Variants in LPP observed in about 807,000 individuals in gnomAD.
LPP encodes the protein LIM domain containing preferred translocation partner in lipoma.
Under a neutral mutation model 60.4 loss-of-function variants are expected in LPP, and 38 were observed. The observed-to-expected ratio is 0.63, with a 90% CI of 0.49 to 0.83. The LOEUF (loss-of-function observed/expected upper bound fraction) is 0.83, where lower values mean the gene tolerates loss of function less well. Among genes scored for constraint, LPP ranks in the 40% least tolerant of loss-of-function variants. The pLI is 0.00. For synonymous variants in LPP, 328 were observed against 290.8 expected, an observed-to-expected ratio of 1.13 and a Z score of -1.30; for missense variants, 902 against 783.6, an observed-to-expected ratio of 1.15 and a Z score of -1.80.
intron 5 of LPP, among the ~76,000 whole-genome samples, chr3:188,514,445 T>A (rs886830375): frequency 3.0e-4 from 45 of 151,578 alleles, no homozygotes; most frequent in African/African-American, 3.9e-4. Flanking sequence ...TATTTTATTT[T>A]TTTTTTTATT....
At chr3:188,231,046 A>G (rs1295145359) in intron 2 of LPP, among the ~76,000 whole-genome samples, 2 of 152,010 alleles carry the variant, frequency 1.3e-5, no homozygotes, top group Admixed American at 6.5e-5. Flanking sequence ...GGCAGCTCAC[A>G]TGGCAGCTGC....
At chr3:188,448,102 A>C (rs1795703420) in intron 4 of LPP, among the ~76,000 whole-genome samples, 1 of 152,204 alleles carries the variant, frequency 6.6e-6, no homozygotes, top group African/African-American at 2.4e-5. Context: ...AGAGGGTCAT[A>C]GGATTTGGAT....
rs1755980347 is a variant in LPP at position 188,318,793 on chromosome 3, C to G, written c.-66-22870C>G. On this transcript the variant is annotated intron_variant, in intron 2 of 11. Coordinates refer to ENST00000617246, the MANE Select transcript of LPP (RefSeq NM_001375462.1). ...TTTTTTTTTGAGACGGAGTCTCGCT[C>G]TGTCGCCCAGGCTGGAGTGCAGTGG... is the stretch of plus-strand genomic sequence containing the variant. 3.4e-5 allele frequency among the ~76,000 whole-genome samples: 4 copies of G among 116,026 alleles called. No individual in the cohort carries two copies. The South Asian group carries it at 8.3e-4, about 24-fold the overall frequency. 76.1% of individuals were successfully genotyped at this position (116,026 alleles called of 152,430 possible). A position where few individuals can be genotyped will look rare whatever the true frequency, so the allele number is the denominator to read the frequency against.
chr3:188,688,404 A>G (rs1861338386), intron 7 of LPP, among the ~76,000 whole-genome samples: 1 of 152,216 alleles, frequency 6.6e-6, no homozygotes, highest in African/African-American at 2.4e-5. Flanking sequence ...ATAAGGCATT[A>G]TATTGATGCC....
At chr3:188,487,189 A>G (rs977184053) in intron 5 of LPP, among the ~76,000 whole-genome samples, 4 of 152,240 alleles carry the variant, frequency 2.6e-5, no homozygotes, top group Non-Finnish European at 2.9e-5. Flanking sequence ...CCTCTTCATT[A>G]GAAACAAAAC....
intron 10 of LPP, among the ~76,000 whole-genome samples, chr3:188,871,173 T>C (rs1022367743): frequency 6.6e-6 from 1 of 152,222 alleles, no homozygotes; most frequent in African/African-American, 2.4e-5. Context: ...AGAAGGCTTA[T>C]GGATACACTG....
intron 1 of LPP, among the ~76,000 whole-genome samples, chr3:188,207,341 C>T (rs1242985498): frequency 4.6e-5 from 7 of 150,914 alleles, no homozygotes; most frequent in East Asian, 3.9e-4. Context: ...GAGCCATTCT[C>T]CTGCCTCAGC....
chr3:188,240,644 G>C (rs575209917), intron 2 of LPP, among the ~76,000 whole-genome samples: 1 of 152,188 alleles, frequency 6.6e-6, no homozygotes, highest in Admixed American at 6.5e-5. Flanking sequence ...ATATAAAAAA[G>C]CGTAATCATA....
At chr3:188,754,935 A>T (rs1729644491) in intron 8 of LPP, among the ~76,000 whole-genome samples, 1 of 152,182 alleles carries the variant, frequency 6.6e-6, no homozygotes, top group African/African-American at 2.4e-5. Flanking sequence ...CTTAATGGAA[A>T]CTGTGCTTCA....
chr3:188,174,250 T>C (rs1164062275), intron 1 of LPP, among the ~76,000 whole-genome samples: 1 of 152,246 alleles, frequency 6.6e-6, no homozygotes, highest in East Asian at 1.9e-4. Context: ...GGATATACTG[T>C]CTGTTTTTAT....
intron 3 of LPP, among the ~76,000 whole-genome samples, chr3:188,342,405 C>T (rs1184994160): frequency 6.6e-6 from 1 of 152,112 alleles, no homozygotes; most frequent in Non-Finnish European, 1.5e-5. Context: ...GGAGAAAAAA[C>T]ATTTAAAGGA....
intron 3 of LPP, among the ~76,000 whole-genome samples, chr3:188,403,629 C>T (rs1782745270): frequency 6.6e-6 from 1 of 152,006 alleles, no homozygotes; most frequent in African/African-American, 2.4e-5. Context: ...AAAAGCAAAA[C>T]CAAAATTGGC....
intron 8 of LPP, among the ~76,000 whole-genome samples, chr3:188,721,069 T>A (rs1716161743): frequency 6.6e-6 from 1 of 152,192 alleles, no homozygotes; most frequent in African/African-American, 2.4e-5. Flanking sequence ...AGCATCTTCA[T>A]AATTTTTTTT....
intron 7 of LPP, among the ~76,000 whole-genome samples, chr3:188,651,981 A>G (rs983250874): frequency 3.9e-5 from 6 of 152,154 alleles, no homozygotes; most frequent in South Asian, 2.1e-4. Context: ...AAAGCAGTTA[A>G]ATGACTTTTT....
intron 3 of LPP, among the ~76,000 whole-genome samples, chr3:188,400,464 A>G (rs564794642): frequency 1.7e-4 from 26 of 152,292 alleles, no homozygotes; most frequent in Middle Eastern, 3.4e-3. Flanking sequence ...TTTGCTAGAC[A>G]TATAATAAAC....
rs1286574244 is a variant in LPP, at chr3:188,788,520, G to A, written c.1410+28238G>A. ...GCATCCTCTGCTTTTCCTCATCATA[G>A]CATTTAGAAGACTGTATTTAAATTA... On this transcript the variant is annotated intron_variant, in intron 9 of 11. Coordinates refer to ENST00000617246, the MANE Select transcript of LPP (RefSeq NM_001375462.1). Among the ~76,000 whole-genome samples the A allele has an allele frequency of 2.6e-5, 4 of 152,144 alleles. No homozygotes were observed. In the East Asian group the frequency reaches 7.7e-4, roughly 29 times the overall value.
intron 7 of LPP, among the ~76,000 whole-genome samples, chr3:188,696,814 T>C (rs1363487972): frequency 6.6e-6 from 1 of 152,178 alleles, no homozygotes; most frequent in Non-Finnish European, 1.5e-5. Context: ...TCATATACCT[T>C]GATTTCCTGA....
At chr3:188,748,464 G>C (rs745447297) in intron 8 of LPP, among the ~76,000 whole-genome samples, 2 of 151,996 alleles carry the variant, frequency 1.3e-5, no homozygotes, top group Non-Finnish European at 2.9e-5. Flanking sequence ...ACCACTACTT[G>C]AGTAGTCTGT....
intron 1 of LPP, among the ~76,000 whole-genome samples, chr3:188,216,607 T>C (rs1713723910): frequency 1.3e-5 from 2 of 152,174 alleles, no homozygotes; most frequent in South Asian, 2.1e-4. Flanking sequence ...ATCTGGGCAA[T>C]GCCCTGCCCC....
Sources: allele counts gnomAD v4.1 joint callset (sites outside exome capture counted in the v4.1 genomes callset), GRCh38; gene constraint gnomAD v4.1.1; transcripts MANE v1.5; gene names NCBI Gene and HGNC (gene_info 2026-07-23, HGNC 2026-07-21).